C14orf39: variants seen among roughly 807,000 people sequenced by gnomAD.
The protein encoded by C14orf39 is protein SIX6OS1.
In C14orf39, 66 loss-of-function variants were observed where a neutral mutation model predicts 85.6. The ratio of observed to expected loss-of-function variants is 0.77; its 90% CI spans 0.63 to 0.95. The LOEUF (loss-of-function observed/expected upper bound fraction) is 0.95, where lower values mean the gene tolerates loss of function less well. Among genes scored for constraint, C14orf39 ranks in the 40% least tolerant of loss-of-function variants. The pLI is 0.00. For synonymous variants in C14orf39, 242 were observed against 214.0 expected (o/e 1.13, Z -1.14); for missense variants, 735 against 663.9 (o/e 1.11, Z -1.18).
chr14:60,453,858 T>C (rs1053140689), intron 16 of C14orf39, among the ~76,000 whole-genome samples: 1 of 151,956 alleles, frequency 6.6e-6, no homozygotes, highest in Non-Finnish European at 1.5e-5. Flanking sequence ...ATAAATTATA[T>C]TGGGAAGAAA....
upstream of C14orf39, among the ~76,000 whole-genome samples, chr14:60,489,798 T>C (rs1407615319): frequency 6.6e-6 from 1 of 152,190 alleles, no homozygotes; most frequent in Non-Finnish European, 1.5e-5. Flanking sequence ...TCCCTAGACA[T>C]TAAAGGTTTT....
chr14:60,509,458 C>A (rs1893256448), intron 1 of C14orf39: 2 of 1,600,072 alleles, frequency 1.2e-6, no homozygotes, highest in South Asian at 1.1e-5. Context: ...TATGTGAGAC[C>A]CTGGAAGAGA....
intron 1 of C14orf39, among the ~76,000 whole-genome samples, chr14:60,502,952 T>A (rs1259513977): frequency 6.6e-6 from 1 of 152,272 alleles, no homozygotes; most frequent in Non-Finnish European, 1.5e-5. Flanking sequence ...ATGACAATTC[T>A]GTGGTCTGTA....
chr14:60,462,339 T>C (rs866549084), intron 11 of C14orf39, among the ~76,000 whole-genome samples: 2 of 152,102 alleles, frequency 1.3e-5, no homozygotes, highest in African/African-American at 2.4e-5. Flanking sequence ...CAGTGAGCCA[T>C]GATCGCGCCA....
Position 60,499,129 on chromosome 14 carries a change from G to A in C14orf39, c.-9+167C>T, listed in dbSNP as rs567546659. 2.0e-4 allele frequency among the ~76,000 whole-genome samples: 30 copies of A among 152,082 alleles called. No homozygotes were observed. The East Asian group carries it at 2.3e-3, about 12-fold the overall frequency. ...AAAATAGCTGGGCATGGTGGTGGGC[G>A]CCTGTTATCCCAGCTACTCAGGAGG... On this transcript the variant is annotated intron_variant, in intron 2 of 5. Coordinates refer to the C14orf39 transcript ENST00000556799.
At position 60,436,991 on chromosome 14, in the gene C14orf39, C is replaced by T. The variant is rs1288771805; in HGVS notation, c.1618G>A (p.Asp540Asn). The T allele has an allele frequency of 1.9e-6, 3 of 1,611,608 alleles. No individual in the cohort carries two copies. In the Admixed American group the frequency reaches 5.0e-5, roughly 27 times the overall value. The change falls in exon 18 of 18, where the codon GAC becomes AAC. Residue 540 changes from aspartate (D) to asparagine (N), a missense_variant. By Grantham distance (23) the Asp-to-Asn change is conservative. Transcript: ENST00000321731. ...EDGFTFSFPS[D>N]TSTHTFGAGK... is the part of the protein sequence containing the mutation. ...GCTCCAAATGTATGAGTTGAAGTGT[C>T]TGATGGAAAAGAAAATGTAAAGCCA...
At chr14:60,478,178 C>CA (rs71435508) in intron 5 of C14orf39, 122 bp downstream of exon 5, 650 of 89,926 alleles carry the variant, frequency 7.2e-3, no homozygotes, top group Middle Eastern at 0.033. Context: ...GACTCCATCT[C>CA]AAAAAAAAAA....
chr14:60,453,933 T>C (rs528097315), intron 16 of C14orf39, among the ~76,000 whole-genome samples: 84 of 152,098 alleles, frequency 5.5e-4, no homozygotes, highest in South Asian at 1.9e-3. Context: ...TTAACTTTTT[T>C]CAGTAGTTTT....
chr14:60,485,552 T>C (rs1321920818), intron 1 of C14orf39, among the ~76,000 whole-genome samples: 1 of 152,214 alleles, frequency 6.6e-6, no homozygotes, highest in Admixed American at 6.5e-5. Flanking sequence ...ATTTCGCATT[T>C]ACGAATTTAC....
intron 17 of C14orf39, 40 bp downstream of exon 17, chr14:60,442,034 T>C: frequency 7.0e-7 from 1 of 1,430,552 alleles, no homozygotes; most frequent in Non-Finnish European, 9.8e-7. Flanking sequence ...TACTAATGAG[T>C]TAACATGTTT....
chr14:60,447,898 C>T (rs535631209), intron 16 of C14orf39, among the ~76,000 whole-genome samples: 3 of 152,140 alleles, frequency 2.0e-5, no homozygotes, highest in Middle Eastern at 3.2e-3. Flanking sequence ...CACACATGTA[C>T]AACCATCTGA....
At chr14:60,490,256 T>C (rs1264359407), upstream of C14orf39, among the ~76,000 whole-genome samples, 6 of 152,100 alleles carry the variant, frequency 3.9e-5, no homozygotes, top group Non-Finnish European at 7.3e-5. Flanking sequence ...AAGTCAGTAA[T>C]TGCAAACAAC....
intron 2 of C14orf39, chr14:60,496,058 C>A: frequency 1.3e-6 from 1 of 778,080 alleles, no homozygotes; most frequent in South Asian, 1.4e-5. Flanking sequence ...TGGCTTGTTT[C>A]AAGGCATCCA....
At chr14:60,469,440 C>A in intron 8 of C14orf39, 93 bp downstream of exon 8, 1 of 443,254 alleles carries the variant, frequency 2.3e-6, no homozygotes. Flanking sequence ...ACATTAGGCT[C>A]TCTTAAAAAT....
At chr14:60,459,869 G>C (rs1049360724) in intron 13 of C14orf39, among the ~76,000 whole-genome samples, 1 of 151,636 alleles carries the variant, frequency 6.6e-6, no homozygotes, top group African/African-American at 2.4e-5. Flanking sequence ...CTACTCTATT[G>C]AAAGTTTTAC....
chr14:60,455,154 TA>T lies in C14orf39; in HGVS notation c.1359-10del. The T allele has an allele frequency of 6.5e-7, 1 of 1,531,544 alleles. No homozygotes were observed. Among genetic ancestry groups the T allele is most frequent in the Non-Finnish European group, 8.8e-7 (1 of 1,140,894 alleles). 94.9% of individuals were successfully genotyped at this position (1,531,544 alleles called of 1,614,324 possible). On this transcript the variant is annotated splice_polypyrimidine_tract_variant and intron_variant, in intron 15 of 17. Transcript: ENST00000321731. ...CATTTCTATTTCTGTTACTGAGAAA[TA>T]AGAAATTATCAAAATGTTAAAAATC...
chr14:60,483,618 AG>A (rs1892741616), intron 4 of C14orf39, 72 bp downstream of exon 4: 1 of 1,302,630 alleles, frequency 7.7e-7, no homozygotes, highest in African/African-American at 1.5e-5. Flanking sequence ...CTTTGAAGGA[AG>A]TATCTTCAAC....
chr14:60,450,984 A>G (rs982539438), intron 16 of C14orf39, among the ~76,000 whole-genome samples: 1 of 152,216 alleles, frequency 6.6e-6, no homozygotes, highest in African/African-American at 2.4e-5. Flanking sequence ...AGCCTCCTCA[A>G]GAAAGACAGG....
intron 10 of C14orf39, 137 bp from the exon 11 acceptor site, chr14:60,466,192 T>A: frequency 2.3e-6 from 1 of 430,348 alleles, no homozygotes. Context: ...TACGGAATTA[T>A]GAAATTATTT....
Sources: gnomAD v4.1 joint callset for allele counts (sites outside exome capture counted in the v4.1 genomes callset) on GRCh38, gnomAD v4.1.1 for gene constraint, MANE v1.5 for transcripts, NCBI Gene and HGNC (gene_info 2026-07-23, HGNC 2026-07-21) for gene names.